SASH1: variants seen among roughly 807,000 people sequenced by gnomAD.
SASH1 encodes the protein SAM and SH3 domain containing 1, also known as SAM and SH3 domain-containing protein 1.
In SASH1, 44 loss-of-function variants were observed where a neutral mutation model predicts 125.2. The observed-to-expected ratio is 0.35, with a 90% CI of 0.28 to 0.45. The LOEUF (loss-of-function observed/expected upper bound fraction) is 0.45, where lower values mean the gene tolerates loss of function less well. SASH1 is among the 20% of genes least tolerant of loss of function. The pLI, the probability that SASH1 is intolerant of heterozygous loss-of-function variation, is 1.00. For synonymous variants in SASH1, 639 were observed against 649.1 expected (o/e 0.98, Z 0.24); for missense variants, 1,426 against 1,614.5 (o/e 0.88, Z 2.00).
At chr6:148,383,055 A>G (rs779202738) in intron 1 of SASH1, among the ~76,000 whole-genome samples, 8 of 152,248 alleles carry the variant, frequency 5.3e-5, no homozygotes, top group Non-Finnish European at 7.3e-5. Flanking sequence ...CAGTCAGTGA[A>G]TGTCTGCAGA....
chr6:148,547,484 G>A (rs1164544286), intron 19 of SASH1, among the ~76,000 whole-genome samples: 2 of 152,158 alleles, frequency 1.3e-5, no homozygotes, highest in Admixed American at 1.3e-4. Context: ...GGATAAGCAG[G>A]GGGGTGGCTA....
intron 1 of SASH1, among the ~76,000 whole-genome samples, chr6:148,292,526 C>T (rs1779661746): frequency 6.6e-6 from 1 of 152,154 alleles, no homozygotes; most frequent in African/African-American, 2.4e-5. Context: ...TGGGGCTCTA[C>T]ACCTCAAAAA....
intron 1 of SASH1, among the ~76,000 whole-genome samples, chr6:148,287,529 G>A (rs181999118): frequency 2.0e-4 from 31 of 152,224 alleles, no homozygotes; most frequent in Non-Finnish European, 3.7e-4. Flanking sequence ...CTCTGGAGCT[G>A]TTGCCTCAAT....
intron 2 of SASH1, among the ~76,000 whole-genome samples, chr6:148,402,812 T>C (rs1193491171): frequency 1.3e-5 from 2 of 151,594 alleles, no homozygotes; most frequent in Admixed American, 1.3e-4. Context: ...GGTTTCACCA[T>C]GTTAGCCAGG....
rs769499189 is a variant in SASH1, at chr6:148,532,901, G to A, written c.1669G>A (p.Gly557Arg). The A allele has an allele frequency of 6.2e-6, 10 of 1,614,194 alleles. No individual in the cohort carries two copies. Among genetic ancestry groups the A allele is most frequent in the East Asian group, 2.2e-5 (1 of 44,882 alleles). Residue 557 changes from glycine (G) to arginine (R), a missense_variant, in exon 14 of 20, where the codon GGG (glycine) becomes AGG (arginine). Physicochemically the swap from Gly to Arg is moderately radical, Grantham distance 125. Transcript: ENST00000367467. This position sits in a 1 kb window ranked among gnomAD's most constrained non-coding sequence, Gnocchi z 4.7. ...GCCGCCTTACCGAGGCCCGTTCTGCGGGCGTGCCAGGGTGCACACCGACTT... is the reference window on the plus strand; with the variant it reads ...GCCGCCTTACCGAGGCCCGTTCTGCAGGCGTGCCAGGGTGCACACCGACTT... ...EEPPYRGPFC[G>R]RARVHTDFTP...
intron 1 of SASH1, among the ~76,000 whole-genome samples, chr6:148,382,031 A>G (rs1783160747): frequency 6.6e-6 from 1 of 152,182 alleles, no homozygotes; most frequent in Non-Finnish European, 1.5e-5. Context: ...GGGGGATTGT[A>G]CTGCGTTCAC....
At chr6:148,512,497 G>GTT in intron 8 of SASH1, 2 of 985,250 alleles carry the variant, frequency 2.0e-6, no homozygotes, top group Non-Finnish European at 2.4e-6. Flanking sequence ...CAGAATGAGG[G>GTT]TTAACCAAGT....
Position 148,544,279 on chromosome 6 carries a change from C to T in SASH1, c.2809C>T (p.Pro937Ser), listed in dbSNP as rs886359906. ...CLPRNYDAQP[P>S]GAKHGLARTP... Reference sequence around the variant, plus strand: ...GCCCAGAAACTATGATGCTCAGCCTCCTGGAGCTAAACACGGTTTAGCAAG... The same window carrying T: ...GCCCAGAAACTATGATGCTCAGCCTTCTGGAGCTAAACACGGTTTAGCAAG... Residue 937 changes from proline (P) to serine (S), a missense_variant, in exon 18 of 20, where the codon CCT becomes TCT. By Grantham distance (74) the Pro-to-Ser change is moderately conservative. Coordinates refer to ENST00000367467, the MANE Select transcript of SASH1 (RefSeq NM_015278.5). The surrounding 1 kb of genome is among the most constrained non-coding windows in gnomAD (Gnocchi z 6.4). 3 of 1,614,022 alleles carry T rather than the reference C, an allele frequency of 1.9e-6. No homozygotes were observed. The highest frequency in any genetic ancestry group is 2.5e-6 in the Non-Finnish European group (3 of 1,180,036).
At chr6:148,212,306 C>G in the SASH1 span, among the ~76,000 whole-genome samples, 2 of 152,262 alleles carry the variant, frequency 1.3e-5, no homozygotes, top group East Asian at 3.9e-4. Context: ...GCAGGTACAG[C>G]CATGGGGCAG....
intron 1 of SASH1, among the ~76,000 whole-genome samples, chr6:148,282,418 G>A (rs149257125): frequency 2.6e-4 from 40 of 151,384 alleles, no homozygotes; most frequent in African/African-American, 9.7e-4. Flanking sequence ...GTCTCGCTCT[G>A]TCGCCCAGGC....
At position 148,390,214 on chromosome 6, in the gene SASH1, G is replaced by A. The variant is rs1485147414; in HGVS notation, c.237G>A (p.Glu79=). 6.2e-7 allele frequency: 1 copy of A among 1,613,104 alleles called. No individual in the cohort carries two copies. The highest frequency in any genetic ancestry group is 1.7e-5 in the Admixed American group (1 of 59,992). The part of the protein sequence containing the change: ...YYNTCFSDVC[E]RMEELRKRRV... The stretch of plus-strand genomic sequence containing the variant: ...ACACCTGTTTCTCCGACGTGTGCGA[G>A]AGGATGGAGGAGCTGCGGAAACGGC... The change falls in exon 2 of 20, where the codon GAG becomes GAA. Residue 79 remains glutamate (E), a synonymous_variant. Coordinates refer to ENST00000367467, the MANE Select transcript of SASH1 (RefSeq NM_015278.5).
chr6:148,307,090 TTCTTTC>T (rs1455215021), intron 1 of SASH1, among the ~76,000 whole-genome samples: 11 of 119,810 alleles, frequency 9.2e-5, no homozygotes, highest in Admixed American at 6.8e-4. Flanking sequence ...CTTTCTTTCT[TTCTTTC>T]TCTCTCTCTG....
intron 1 of SASH1, among the ~76,000 whole-genome samples, chr6:148,354,006 CA>C (rs941087511): frequency 1.3e-5 from 2 of 151,698 alleles, no homozygotes; most frequent in Admixed American, 6.6e-5. Flanking sequence ...CACACCTCTA[CA>C]AAAAAAATTT....
intron 1 of SASH1, among the ~76,000 whole-genome samples, chr6:148,383,939 C>T (rs899014554): frequency 3.9e-5 from 6 of 152,158 alleles, no homozygotes; most frequent in South Asian, 2.1e-4. Context: ...GTATGAAAGA[C>T]GGGTGTTTGG....
chr6:148,326,297 G>C (rs1252049108), intron 1 of SASH1, among the ~76,000 whole-genome samples: 2 of 79,154 alleles, frequency 2.5e-5, no homozygotes, highest in Non-Finnish European at 4.6e-5. Context: ...CAAAGTGCTG[G>C]GATTACAGGA....
the SASH1 span, among the ~76,000 whole-genome samples, chr6:148,227,221 G>T: frequency 6.6e-6 from 1 of 152,178 alleles, no homozygotes; most frequent in East Asian, 1.9e-4. Flanking sequence ...TATGTACAAA[G>T]TTGTTTTTGT....
At chr6:148,379,011 G>C (rs1040223401) in intron 1 of SASH1, among the ~76,000 whole-genome samples, 2 of 152,208 alleles carry the variant, frequency 1.3e-5, no homozygotes, top group Non-Finnish European at 2.9e-5. Context: ...GGTGCCAACT[G>C]TATGTTCTGT....
In SASH1 at chr6:148,527,511, T is replaced by C; in HGVS notation, c.1343T>C (p.Ile448Thr). Residue 448 changes from isoleucine (I) to threonine (T), a missense_variant, in exon 12 of 20, where the codon ATC (isoleucine) becomes ACC (threonine). Around this residue, in one of 3 missense-constraint regions of SASH1, gnomAD observed 567 missense variants for 575.6 expected, o/e 0.99. Transcript: ENST00000367467. ...EVIKSPTASR[I>T]SLGKKVKSVK... is the part of the protein sequence containing the mutation. The stretch of plus-strand genomic sequence containing the variant: ...ATCAAATCACCTACTGCCTCTCGCA[T>C]CTCTCTTGGGAAAAAGGTGAAATCA... 6.2e-7 allele frequency: 1 copy of C among 1,610,294 alleles called. No homozygotes were observed. Among genetic ancestry groups the C allele is most frequent in the Non-Finnish European group, 8.5e-7 (1 of 1,178,812 alleles).
intron 1 of SASH1, among the ~76,000 whole-genome samples, chr6:148,387,586 T>C (rs796557164): frequency 6.5e-3 from 47 of 7,190 alleles, no homozygotes; most frequent in South Asian, 0.041. Context: ...CTTTCTTTCT[T>C]TCTTTCTTTC....
Sources: gnomAD v4.1 joint callset for allele counts (sites outside exome capture counted in the v4.1 genomes callset) on GRCh38, gnomAD v4.1.1 for gene constraint, gnomAD v4.1.1 regional missense constraint, Gnocchi (gnomAD v3.1) non-coding constraint, MANE v1.5 for transcripts, NCBI Gene and HGNC (gene_info 2026-07-23, HGNC 2026-07-21) for gene names.